PLA2G6: variants seen among roughly 807,000 people sequenced by gnomAD.
The protein encoded by PLA2G6 is 85/88 kDa calcium-independent phospholipase A2.
In PLA2G6, 62 loss-of-function variants were observed where a neutral mutation model predicts 83.8. That is an observed-to-expected ratio of 0.74 (90% CI 0.60 to 0.91). The LOEUF (loss-of-function observed/expected upper bound fraction) is 0.91, where lower values mean the gene tolerates loss of function less well. PLA2G6 is among the 40% of genes least tolerant of loss of function. The pLI, the probability that PLA2G6 is intolerant of heterozygous loss-of-function variation, is 0.00. For missense variants in PLA2G6, 944 were observed against 1,102.0 expected (o/e 0.86, Z 2.03); for synonymous variants, 417 against 449.8 (o/e 0.93, Z 0.92).
intron 2 of PLA2G6, among the ~76,000 whole-genome samples, chr22:38,166,040 C>T (rs1461852279): frequency 2.0e-5 from 3 of 152,134 alleles, no homozygotes; most frequent in South Asian, 2.1e-4. Context: ...GCAGGAGACA[C>T]GTGCACAATG....
At chr22:38,174,240 C>CA (rs1027871400) in intron 1 of PLA2G6, among the ~76,000 whole-genome samples, 121 of 149,096 alleles carry the variant, frequency 8.1e-4, no homozygotes, top group African/African-American at 2.8e-3. Flanking sequence ...ACTAAAAATA[C>CA]AAAAAAAATT....
intron 2 of PLA2G6, among the ~76,000 whole-genome samples, chr22:38,156,335 T>C (rs1255921749): frequency 2.0e-5 from 3 of 152,312 alleles, no homozygotes; most frequent in Middle Eastern, 6.8e-3. Flanking sequence ...ACCTATTAGA[T>C]ATTTACAGAA....
chr22:38,113,401 C>A, intron 15 of PLA2G6, 86 bp downstream of exon 15: 1 of 1,329,938 alleles, frequency 7.5e-7, no homozygotes, highest in Non-Finnish European at 1.1e-6. Flanking sequence ...TCCTCCAACA[C>A]CAAAGGCCCC....
In PLA2G6 at chr22:38,128,465, G is replaced by C. The variant is rs770467880; in HGVS notation, c.1187-35C>G. ...GTTTGGGGAAGGGGAGATGGCACAG[G>C]ATCAGAAATGATGTCAACATGCAAA... On this transcript the variant is annotated intron_variant, in intron 8 of 16. Coordinates refer to ENST00000332509, the MANE Select transcript of PLA2G6 (RefSeq NM_003560.4). This position sits in a 1 kb window ranked among gnomAD's most constrained non-coding sequence, Gnocchi z 4.4. 2 of 1,608,296 alleles carry C rather than the reference G, an allele frequency of 1.2e-6. No homozygotes were observed. The highest frequency in any genetic ancestry group is 1.7e-6 in the Non-Finnish European group (2 of 1,175,374).
intron 1 of PLA2G6, among the ~76,000 whole-genome samples, chr22:38,172,729 A>C (rs2090483240): frequency 6.6e-6 from 1 of 152,220 alleles, no homozygotes; most frequent in East Asian, 1.9e-4. Context: ...GCAGAGAGTC[A>C]AGAGCATCCA....
At chr22:38,131,158 C>T (rs1235695700) in intron 7 of PLA2G6, 1 of 152,166 alleles carries the variant, frequency 6.6e-6, no homozygotes, top group African/African-American at 2.4e-5. Flanking sequence ...CCTGTGAACA[C>T]GTGATACCCT....
chr22:38,121,384 C>T, intron 11 of PLA2G6, among the ~76,000 whole-genome samples: 1 of 151,908 alleles, frequency 6.6e-6, no homozygotes, highest in South Asian at 2.1e-4. Flanking sequence ...CACTGAAGCC[C>T]CACGGCTCTG....
chr22:38,112,377 G>C, intron 16 of PLA2G6, 72 bp from the exon 17 acceptor site: 1 of 1,566,614 alleles, frequency 6.4e-7, no homozygotes. Context: ...CTAGGACCAG[G>C]GTGGGCTTGG....
At chr22:38,135,722 G>A (rs1021063633) in intron 5 of PLA2G6, 5 of 152,256 alleles carry the variant, frequency 3.3e-5, no homozygotes, top group Non-Finnish European at 5.9e-5. Flanking sequence ...TAGGAATCTC[G>A]GTTCACAAGT....
chr22:38,167,220 T>C (rs1170075836), intron 2 of PLA2G6, among the ~76,000 whole-genome samples: 1 of 127,466 alleles, frequency 7.8e-6, no homozygotes, highest in Non-Finnish European at 1.6e-5. Flanking sequence ...AGAGCGAGAC[T>C]CTGTCTCAAA....
At chr22:38,120,139 G>A (rs1449893623) in intron 12 of PLA2G6, among the ~76,000 whole-genome samples, 2 of 152,168 alleles carry the variant, frequency 1.3e-5, no homozygotes, top group South Asian at 2.1e-4. Flanking sequence ...ATCCAGCCCC[G>A]AACGGGATGC....
At chr22:38,129,938 A>G (rs1398343320) in intron 7 of PLA2G6, among the ~76,000 whole-genome samples, 1 of 152,016 alleles carries the variant, frequency 6.6e-6, no homozygotes, top group African/African-American at 2.4e-5. Flanking sequence ...TAGCAAGGAG[A>G]GGGTGGGTGA....
chr22:38,121,332 C>G (rs2087520132), intron 11 of PLA2G6, among the ~76,000 whole-genome samples: 1 of 152,166 alleles, frequency 6.6e-6, no homozygotes, highest in Non-Finnish European at 1.5e-5. Flanking sequence ...AGCCAAGATG[C>G]ACCACTGCAC....
intron 9 of PLA2G6, chr22:38,127,123 A>T: frequency 8.9e-7 from 1 of 1,125,294 alleles, no homozygotes; most frequent in Non-Finnish European, 1.1e-6. Context: ...TGCCTGGTGC[A>T]GCAGCCCGCG....
rs1569258623 is a variant in PLA2G6, at chr22:38,128,375, G to A, written c.1242C>T (p.Cys414=). 3 of 1,614,016 alleles carry A rather than the reference G, an allele frequency of 1.9e-6. No individual in the cohort carries two copies. The highest frequency in any genetic ancestry group is 2.5e-6 in the Non-Finnish European group (3 of 1,179,976). The change falls in exon 9 of 17, where the codon TGC becomes TGT. Residue 414 remains cysteine, a synonymous_variant. Coordinates refer to ENST00000332509, the MANE Select transcript of PLA2G6 (RefSeq NM_003560.4). This position sits in a 1 kb window ranked among gnomAD's most constrained non-coding sequence, Gnocchi z 4.4. ...CGGGGACCCCGTGGATGGGTGGGAA[G>A]CAGTATTCGGCCCCCACGGTTCTCA... ...TLLRTVGAEY[C]FPPIHGVPAE...
chr22:38,148,359 T>A, intron 2 of PLA2G6: 1 of 602,190 alleles, frequency 1.7e-6, no homozygotes, highest in South Asian at 1.9e-5. Context: ...TCTCAGAACT[T>A]CCACTTTCCA....
chr22:38,160,616 G>A (rs1255864647), intron 2 of PLA2G6, among the ~76,000 whole-genome samples: 1 of 152,316 alleles, frequency 6.6e-6, no homozygotes, highest in East Asian at 1.9e-4. Context: ...GGAGGCTGAG[G>A]CAGGTGGATC....
intron 12 of PLA2G6, chr22:38,116,492 T>G (rs1362971082): frequency 1.7e-6 from 1 of 590,076 alleles, no homozygotes; most frequent in South Asian, 1.5e-5. Context: ...TGATAAAACA[T>G]GGCTGTTATC....
At chr22:38,134,717 C>A in intron 6 of PLA2G6, 1 of 493,236 alleles carries the variant, frequency 2.0e-6, no homozygotes, top group Middle Eastern at 5.6e-4. Context: ...AGTTTTGTCA[C>A]ACACTGCCTT....
Sources: gnomAD v4.1 joint callset for allele counts (sites outside exome capture counted in the v4.1 genomes callset) on GRCh38, gnomAD v4.1.1 for gene constraint, Gnocchi (gnomAD v3.1) non-coding constraint, MANE v1.5 for transcripts, NCBI Gene and HGNC (gene_info 2026-07-23, HGNC 2026-07-21) for gene names.